ARB2A: variants seen among roughly 807,000 people sequenced by gnomAD.
The protein encoded by ARB2A is cotranscriptional regulator ARB2A.
the ARB2A span, among the ~76,000 whole-genome samples, chr5:93,651,727 AC>A: frequency 6.6e-6 from 1 of 152,218 alleles, no homozygotes. Flanking sequence ...AAAAGTTATA[AC>A]AATATATTAT....
chr5:94,096,609 C>A, the ARB2A span, among the ~76,000 whole-genome samples: 9 of 152,126 alleles, frequency 5.9e-5, no homozygotes, highest in Non-Finnish European at 1.2e-4. Flanking sequence ...TCTTTAACTT[C>A]TAAGCAAAGC....
chr5:93,999,391 TAATCTA>T, the ARB2A span, among the ~76,000 whole-genome samples: 1 of 152,064 alleles, frequency 6.6e-6, no homozygotes, highest in South Asian at 2.1e-4. Flanking sequence ...AATGCACTAG[TAATCTA>T]TTGATGAATG....
At chr5:94,017,073 A>T in the ARB2A span, among the ~76,000 whole-genome samples, 1 of 152,256 alleles carries the variant, frequency 6.6e-6, no homozygotes, top group South Asian at 2.1e-4. Context: ...CCAGAGGGCA[A>T]GATCATATTG....
the ARB2A span, among the ~76,000 whole-genome samples, chr5:93,710,118 T>G: frequency 6.6e-6 from 1 of 152,186 alleles, no homozygotes; most frequent in Non-Finnish European, 1.5e-5. Context: ...CAGGAGCATG[T>G]TATGCATTCT....
the ARB2A span, among the ~76,000 whole-genome samples, chr5:93,880,610 C>T: frequency 4.0e-5 from 6 of 151,624 alleles, no homozygotes; most frequent in East Asian, 3.9e-4. Flanking sequence ...GTAGCATTTT[C>T]GACATGCTTT....
the ARB2A span, among the ~76,000 whole-genome samples, chr5:93,898,343 G>A: frequency 6.6e-6 from 1 of 151,978 alleles, no homozygotes; most frequent in African/African-American, 2.4e-5. Context: ...CCTTAAGCAT[G>A]ACTGTTTCCA....
At chr5:93,669,546 C>A in the ARB2A span, among the ~76,000 whole-genome samples, 1 of 152,228 alleles carries the variant, frequency 6.6e-6, no homozygotes, top group East Asian at 1.9e-4. Context: ...ATTATGGATT[C>A]TTAATGTTAT....
chr5:93,903,244 CCTGTAT>C, the ARB2A span, among the ~76,000 whole-genome samples: 1 of 151,888 alleles, frequency 6.6e-6, no homozygotes, highest in Non-Finnish European at 1.5e-5. Context: ...ACTTGGATCT[CCTGTAT>C]TTTGACTATA....
chr5:93,851,905 A>T, the ARB2A span, among the ~76,000 whole-genome samples: 1 of 152,220 alleles, frequency 6.6e-6, no homozygotes, highest in Non-Finnish European at 1.5e-5. Context: ...ATAGTGCCGC[A>T]ATAAACATAC....
the ARB2A span, among the ~76,000 whole-genome samples, chr5:93,714,025 G>A: frequency 2.6e-4 from 39 of 152,322 alleles, no homozygotes; most frequent in Middle Eastern, 6.8e-3. Context: ...GCCTTTAGTA[G>A]TTCCCTGCAA....
At chr5:93,640,012 G>A in the ARB2A span, among the ~76,000 whole-genome samples, 223 of 141,796 alleles carry the variant, frequency 1.6e-3, 2 homozygotes, top group African/African-American at 5.6e-3. Flanking sequence ...AGCCGAGATC[G>A]TGTCACTGCA....
chr5:93,938,654 G>A, the ARB2A span, among the ~76,000 whole-genome samples: 4 of 152,208 alleles, frequency 2.6e-5, no homozygotes, highest in South Asian at 2.1e-4. Flanking sequence ...GAATTTCACC[G>A]TACAGTGCCA....
the ARB2A span, among the ~76,000 whole-genome samples, chr5:93,858,644 A>C: frequency 3.9e-5 from 6 of 152,188 alleles, no homozygotes; most frequent in Non-Finnish European, 8.8e-5. Flanking sequence ...CCCATCATCT[A>C]TTTCAATGGC....
chr5:94,068,433 C>T, the ARB2A span, among the ~76,000 whole-genome samples: 5 of 152,070 alleles, frequency 3.3e-5, no homozygotes, highest in African/African-American at 7.2e-5. Context: ...AAGCTCAGCT[C>T]GAGCAGTAAC....
At chr5:93,673,283 C>G in the ARB2A span, among the ~76,000 whole-genome samples, 55 of 152,238 alleles carry the variant, frequency 3.6e-4, no homozygotes, top group African/African-American at 1.3e-3. Flanking sequence ...GCCATTTACT[C>G]AAGAATCTTT....
the ARB2A span, among the ~76,000 whole-genome samples, chr5:93,851,429 C>G: frequency 1.3e-5 from 2 of 151,982 alleles, no homozygotes; most frequent in Non-Finnish European, 2.9e-5. Flanking sequence ...CAGCAGCATA[C>G]GTAACATTGC....
chr5:93,854,691 T>A, the ARB2A span, among the ~76,000 whole-genome samples: 4 of 152,226 alleles, frequency 2.6e-5, no homozygotes, highest in African/African-American at 9.6e-5. Context: ...ACATCTTTAT[T>A]TCTGCCTTCA....
chr5:94,053,158 G>A, the ARB2A span: 21 of 1,597,478 alleles, frequency 1.3e-5, no homozygotes, highest in Non-Finnish European at 1.8e-5. Flanking sequence ...TCCTTCCAGG[G>A]TATCAGGAAA....
At chr5:93,853,166 C>G in the ARB2A span, among the ~76,000 whole-genome samples, 2 of 152,002 alleles carry the variant, frequency 1.3e-5, no homozygotes, top group African/African-American at 4.8e-5. Context: ...TTGAAGAGGT[C>G]CTTCACGTCC....
Sources: gnomAD v4.1 joint callset for allele counts (sites outside exome capture counted in the v4.1 genomes callset) on GRCh38, gnomAD v4.1.1 for gene constraint, MANE v1.5 for transcripts, NCBI Gene and HGNC (gene_info 2026-07-23, HGNC 2026-07-21) for gene names.